The following ACIN1 variants were observed in gnomAD, a reference collection of about 807,000 sequenced individuals.
ACIN1 encodes the protein apoptotic chromatin condensation inducer in the nucleus.
Under a neutral mutation model 146.6 loss-of-function variants are expected in ACIN1, and 16 were observed. The ratio of observed to expected loss-of-function variants is 0.11; its 90% confidence interval spans 0.07 to 0.17. The LOEUF (loss-of-function observed/expected upper bound fraction) is 0.17. Ranked by LOEUF, ACIN1 falls within the 10% of genes least tolerant of loss-of-function variation. ACIN1 has a pLI of 1.00. For synonymous variants in ACIN1, 569 were observed against 582.7 expected (o/e 0.98, Z 0.34); for missense variants, 1,357 against 1,609.3 (o/e 0.84, Z 2.68).
Position 23,065,988 on chromosome 14 carries a change from G to C in ACIN1, c.2286C>G (p.Phe762Leu). The change falls in exon 10 of 19, where the codon TTC becomes TTG. Residue 762 changes from phenylalanine to leucine, a missense_variant. Phe to Leu is a conservative substitution (Grantham distance 22, BLOSUM62 0). Around this residue, in one of 4 missense-constraint regions of ACIN1, gnomAD observed 509 missense variants for 719.6 expected, o/e 0.71. Coordinates refer to ENST00000605057, the MANE Select transcript of ACIN1 (RefSeq NM_001386863.1). ...EKKESSLPKS[F>L]KRKISVVSAT... The stretch of plus-strand genomic sequence containing the variant: ...TACAGACAACGGAGATCTTCCTCTT[G>C]AATGATTTGGGCAGCGAGCTCTGTA... The C allele has an allele frequency of 6.2e-7, 1 of 1,613,798 alleles. No individual in the cohort carries two copies. The highest frequency in any genetic ancestry group is 8.5e-7 in the Non-Finnish European group (1 of 1,179,840).
intron 4 of ACIN1, among the ~76,000 whole-genome samples, chr14:23,087,787 GCTGA>G (rs1474110352): frequency 6.6e-6 from 1 of 151,448 alleles, no homozygotes; most frequent in African/African-American, 2.4e-5. Flanking sequence ...AAATTGTTTT[GCTGA>G]CTATTCTTGA....
At position 23,079,956 on chromosome 14, in the gene ACIN1, A is replaced by C. The variant is rs150892575; in HGVS notation, c.1379T>G (p.Leu460Arg). ...AGCAGATCTGTCTGACTCAGGTTCAAGATCCTTCTGGGCTGAGTAGTCAGC... is the reference window on the plus strand; with the variant it reads ...AGCAGATCTGTCTGACTCAGGTTCACGATCCTTCTGGGCTGAGTAGTCAGC... ...TLADYSAQKD[L>R]EPESDRSAQP... The change falls in exon 6 of 19, where the codon CTT becomes CGT. Residue 460 changes from leucine to arginine, a missense_variant. Coordinates refer to ENST00000605057, the MANE Select transcript of ACIN1 (RefSeq NM_001386863.1). 9.3e-6 allele frequency: 15 copies of C among 1,613,990 alleles called. No homozygotes were observed. The highest frequency in any genetic ancestry group is 1.3e-5 in the Non-Finnish European group (15 of 1,180,040).
Position 23,093,476 on chromosome 14 carries a change from C to T in ACIN1, c.204+3G>A. ...ACTCCATTGAATACACCTTCTTTCT[C>T]ACCTGGGAATTTGGCTGGAATGCAG... On this transcript the variant is annotated splice_donor_region_variant and intron_variant, in intron 2 of 18. Coordinates refer to ENST00000605057, the MANE Select transcript of ACIN1 (RefSeq NM_001386863.1). 2 of 1,613,624 alleles carry T rather than the reference C, an allele frequency of 1.2e-6. No individual in the cohort carries two copies. Among genetic ancestry groups the T allele is most frequent in the Non-Finnish European group, 1.7e-6 (2 of 1,179,576 alleles).
chr14:23,064,444 C>G lies in ACIN1; in HGVS notation c.2353G>C (p.Gly785Arg). Residue 785 changes from glycine to arginine, a missense_variant, in exon 11 of 19, where the codon GGC becomes CGC. Physicochemically the swap from Gly to Arg is moderately radical, Grantham distance 125. Coordinates refer to ENST00000605057, the MANE Select transcript of ACIN1 (RefSeq NM_001386863.1). ...VPAGNSDTEG[G>R]QPGRKRRWGA... ...CAGCGTCGTTTCCGACCAGGCTGGC[C>G]CCCCTCTGTGTCACTGTTTCCAGCT... 1 of 1,614,250 alleles carries G rather than the reference C, an allele frequency of 6.2e-7. No individual in the cohort carries two copies. Among genetic ancestry groups the G allele is most frequent in the African/African-American group, 1.3e-5 (1 of 75,062 alleles).
At chr14:23,092,182 C>T (rs773756003) in intron 2 of ACIN1, among the ~76,000 whole-genome samples, 1 of 151,928 alleles carries the variant, frequency 6.6e-6, no homozygotes. Flanking sequence ...CTAGAACCTT[C>T]TTGCTTAGCA....
intron 4 of ACIN1, among the ~76,000 whole-genome samples, chr14:23,089,363 A>C (rs1282067322): frequency 6.6e-6 from 1 of 152,144 alleles, no homozygotes; most frequent in Non-Finnish European, 1.5e-5. Context: ...CTGGGTGCTT[A>C]ATATTTTCTA....
intron 4 of ACIN1, among the ~76,000 whole-genome samples, chr14:23,089,203 G>A (rs1350591828): frequency 6.6e-6 from 1 of 152,084 alleles, no homozygotes. Flanking sequence ...ACCATACCCA[G>A]CTAATTTTTA....
rs540881884 is a variant in ACIN1, at chr14:23,058,988, G to C, written c.*160C>G. ...AGAGATAGGTTAAGGGGGTGTGTTT[G>C]GGGGGAAAAGGATGGCCACTTTTCC... is the stretch of plus-strand genomic sequence containing the variant. On this transcript the variant is annotated 3_prime_UTR_variant, in exon 19 of 19. Transcript: ENST00000605057. 9.2e-5 allele frequency: 61 copies of C among 659,894 alleles called. No individual in the cohort carries two copies. The highest frequency in any genetic ancestry group is 8.9e-4 in the African/African-American group (49 of 55,066). 40.9% of individuals were successfully genotyped at this position (659,894 alleles called of 1,614,324 possible).
chr14:23,074,489 C>T (rs1488219702), intron 8 of ACIN1, among the ~76,000 whole-genome samples: 1 of 152,026 alleles, frequency 6.6e-6, no homozygotes, highest in Admixed American at 6.5e-5. Context: ...TGCTTGAACC[C>T]AGGAGGCGGA....
chr14:23,061,119 G>C lies in ACIN1; in HGVS notation c.3490C>G (p.Pro1164Ala), dbSNP rs1484828699. ...GTCAGTGGGAGCCAATAGATGCAGGGAGCTGCCTTGGTCTTTCGGAAAAGG... is the reference window on the plus strand; with the variant it reads ...GTCAGTGGGAGCCAATAGATGCAGGCAGCTGCCTTGGTCTTTCGGAAAAGG... ...DDLFRKTKAA[P>A]CIYWLPLTDS... Residue 1164 changes from proline to alanine, a missense_variant, in exon 18 of 19, where the codon CCC becomes GCC. This residue lies in a region of ACIN1 where 509 missense variants were observed against 719.6 expected (regional missense o/e 0.71). Transcript: ENST00000605057. 1 of 1,614,110 alleles carries C rather than the reference G, an allele frequency of 6.2e-7. No homozygotes were observed. The highest frequency in any genetic ancestry group is 2.2e-5 in the East Asian group (1 of 44,874).
Position 23,061,188 on chromosome 14 carries a change from A to G in ACIN1, c.3425-4T>C. ...GGTGGTTCCTCCTGGGCTTTCTCTG[A>G]GGTGGAAAAAAGTGAACCAGATATG... On this transcript the variant is annotated splice_region_variant and splice_polypyrimidine_tract_variant and intron_variant, in intron 17 of 18. Coordinates refer to ENST00000605057, the MANE Select transcript of ACIN1 (RefSeq NM_001386863.1). 1 of 1,614,116 alleles carries G rather than the reference A, an allele frequency of 6.2e-7. No individual in the cohort carries two copies.
intron 3 of ACIN1, 26 bp downstream of exon 3, chr14:23,090,496 T>A: frequency 1.2e-6 from 2 of 1,601,990 alleles, no homozygotes; most frequent in Non-Finnish European, 1.7e-6. Flanking sequence ...ACGAACTCCT[T>A]GTTAAAAGTG....
upstream of ACIN1, chr14:23,095,171 C>T (rs1293248816): frequency 1.2e-6 from 2 of 1,614,230 alleles, no homozygotes; most frequent in East Asian, 2.2e-5. Context: ...TAATTTCCGC[C>T]AACGCCCTTC....
chr14:23,078,617 C>G (rs1346780935), intron 7 of ACIN1, among the ~76,000 whole-genome samples: 1 of 152,146 alleles, frequency 6.6e-6, no homozygotes, highest in Non-Finnish European at 1.5e-5. Flanking sequence ...CCTGGGGGCC[C>G]TGGAGATAAC....
rs979607320 is a variant in ACIN1 at position 23,068,527 on chromosome 14, C to G, written c.2265+949G>C. The G allele has an allele frequency of 3.4e-5, 34 of 985,810 alleles. No individual in the cohort carries two copies. Among genetic ancestry groups the G allele is most frequent in the Middle Eastern group, 5.2e-4 (1 of 1,936 alleles). 61.1% of individuals were successfully genotyped at this position (985,810 alleles called of 1,614,324 possible). A position where few individuals can be genotyped will look rare whatever the true frequency, so the allele number is the denominator to read the frequency against. On this transcript the variant is annotated intron_variant, in intron 9 of 18. Coordinates refer to ENST00000605057, the MANE Select transcript of ACIN1 (RefSeq NM_001386863.1). This position sits in a 1 kb window ranked among gnomAD's most constrained non-coding sequence, Gnocchi z 4.3. ...TCACAGGAGCCCATATACATGCCCC[C>G]CTCTGGCCAAGACACCTGGATAGCA...
chr14:23,067,192 A>T lies in ACIN1; in HGVS notation c.2266-1184T>A, dbSNP rs2047485972. On this transcript the variant is annotated intron_variant, in intron 9 of 18. Coordinates refer to ENST00000605057, the MANE Select transcript of ACIN1 (RefSeq NM_001386863.1). The surrounding 1 kb of genome is among the most constrained non-coding windows in gnomAD (Gnocchi z 4.6). ...AAAAACATGAACCAAATAAATAAAT[A>T]AAAGAAATCAGAAAAAATAAAGATA... The T allele has an allele frequency of 1.4e-6, 1 of 694,594 alleles. No individual in the cohort carries two copies. The highest frequency in any genetic ancestry group is 6.3e-5 in the Admixed American group (1 of 15,918). 43.0% of individuals were successfully genotyped at this position (694,594 alleles called of 1,614,324 possible).
At chr14:23,074,288 G>A (rs1258916982) in intron 8 of ACIN1, among the ~76,000 whole-genome samples, 2 of 151,812 alleles carry the variant, frequency 1.3e-5, no homozygotes, top group Non-Finnish European at 2.9e-5. Flanking sequence ...AATGAGGGCC[G>A]GGCATGGTGG....
In ACIN1 at chr14:23,073,963, C is replaced by T. The variant is rs568209618; in HGVS notation, c.2123+4188G>A. Among the ~76,000 whole-genome samples the T allele has an allele frequency of 4.0e-5, 6 of 151,494 alleles. No individual in the cohort carries two copies. In the East Asian group the frequency reaches 1.0e-3, roughly 26 times the overall value. ...ACACCATTCTCCTGCCTCAGCCTCC[C>T]GAGCAGCTGGGACTACAGGCACCCT... On this transcript the variant is annotated intron_variant, in intron 8 of 18. Coordinates refer to ENST00000605057, the MANE Select transcript of ACIN1 (RefSeq NM_001386863.1).
rs1445027121 is a variant in ACIN1 at position 23,058,623 on chromosome 14, A to C, written c.*525T>G. 6.5e-6 allele frequency: 1 copy of C among 155,020 alleles called. No homozygotes were observed. The highest frequency in any genetic ancestry group is 2.4e-5 in the African/African-American group (1 of 41,476). The allele number at this position is 155,020 out of a possible 1,614,324, so 9.6% of individuals were successfully genotyped here. A position where few individuals can be genotyped will look rare whatever the true frequency, so the allele number is the denominator to read the frequency against. On this transcript the variant is annotated 3_prime_UTR_variant, in exon 19 of 19. Coordinates refer to ENST00000605057, the MANE Select transcript of ACIN1 (RefSeq NM_001386863.1). ...ATAGACCACATCATTTAATAATAAA[A>C]AAAATAAAAATAAAAATTGAACAAA...
Sources: allele counts gnomAD v4.1 joint callset (sites outside exome capture counted in the v4.1 genomes callset), GRCh38; gene constraint gnomAD v4.1.1; regional missense constraint gnomAD v4.1.1; non-coding constraint Gnocchi (gnomAD v3.1); transcripts MANE v1.5; gene names NCBI Gene and HGNC (gene_info 2026-07-23, HGNC 2026-07-21).